MCTP2: variants seen among roughly 807,000 people sequenced by gnomAD.
MCTP2 encodes the protein multiple C2 and transmembrane domain-containing protein 2.
In MCTP2, 132 loss-of-function variants were observed where a neutral mutation model predicts 111.6. The ratio of observed to expected loss-of-function variants is 1.18; its 90% CI spans 1.03 to 1.37. The LOEUF (loss-of-function observed/expected upper bound fraction) is 1.37. Ranked by LOEUF, MCTP2 falls within the 40% of genes most tolerant of loss-of-function variation. MCTP2 has a pLI of 0.00. For synonymous variants in MCTP2, 395 were observed against 387.7 expected (o/e 1.02, Z -0.22); for missense variants, 1,183 against 1,067.9 (o/e 1.11, Z -1.50).
intron 19 of MCTP2, among the ~76,000 whole-genome samples, chr15:94,457,866 G>T (rs943086828): frequency 6.6e-6 from 1 of 152,154 alleles, no homozygotes; most frequent in African/African-American, 2.4e-5. Flanking sequence ...CCTCCACGGG[G>T]AAGTGAAGTG....
chr15:94,469,059 G>C (rs931603102), intron 20 of MCTP2, among the ~76,000 whole-genome samples: 1 of 152,172 alleles, frequency 6.6e-6, no homozygotes, highest in African/African-American at 2.4e-5. Flanking sequence ...GAATTATTAA[G>C]AGCATTACAT....
intron 4 of MCTP2, among the ~76,000 whole-genome samples, chr15:94,319,233 A>T (rs1596345409): frequency 1.3e-5 from 2 of 152,206 alleles, no homozygotes; most frequent in Admixed American, 6.5e-5. Context: ...GCAAGACGGC[A>T]TTTGAGTGTC....
intron 2 of MCTP2, among the ~76,000 whole-genome samples, chr15:94,310,153 C>A (rs1490824459): frequency 2.6e-5 from 4 of 152,180 alleles, no homozygotes; most frequent in African/African-American, 4.8e-5. Context: ...AAGAATGACG[C>A]AGATGACAAC....
chr15:94,473,807 A>G (rs890641984), intron 21 of MCTP2, among the ~76,000 whole-genome samples: 1 of 152,196 alleles, frequency 6.6e-6, no homozygotes, highest in Non-Finnish European at 1.5e-5. Flanking sequence ...CACCCCAACC[A>G]GTGTATTACA....
chr15:94,312,282 T>C (rs1469536241), intron 2 of MCTP2, among the ~76,000 whole-genome samples: 3 of 152,174 alleles, frequency 2.0e-5, no homozygotes, highest in Admixed American at 6.5e-5. Flanking sequence ...TCTATTGATA[T>C]TGGGAAATTC....
chr15:94,314,738 G>A (rs1480111002), intron 3 of MCTP2: 1 of 462,980 alleles, frequency 2.2e-6, no homozygotes, highest in East Asian at 6.8e-5. Flanking sequence ...ACAGTCAAAA[G>A]TTTGAAATGA....
rs138451644 is a variant in MCTP2 at position 94,302,145 on chromosome 15, G to T, written c.465+3415G>T. 1.8e-4 allele frequency among the ~76,000 whole-genome samples: 27 copies of T among 152,302 alleles called. No individual in the cohort carries two copies. In the East Asian group the frequency reaches 4.8e-3, roughly 27 times the overall value. ...TCTGTGGCCTGAGGGATCCCTAGGG[G>T]TTTGCCTCTTCTGTTGTGTACCAGC... On this transcript the variant is annotated intron_variant, in intron 2 of 22. Transcript: ENST00000357742.
chr15:94,399,006 T>C lies in MCTP2; in HGVS notation c.1834T>C (p.Leu612=). The C allele has an allele frequency of 6.4e-7, 1 of 1,567,318 alleles. No individual in the cohort carries two copies. Among genetic ancestry groups the C allele is most frequent in the Non-Finnish European group, 8.8e-7 (1 of 1,137,802 alleles). Residue 612 remains leucine (L), a synonymous_variant, in exon 15 of 23, where the codon TTA becomes CTA. Transcript: ENST00000357742. ...PNCYVLKNKD[L]EQAFKGVIYL... ...TTGTTATGTACTAAAGAATAAAGAT[T>C]TAGAACAAGCTTTTAAAGGAGTTAT...
intron 8 of MCTP2, among the ~76,000 whole-genome samples, chr15:94,349,981 A>T (rs1306456027): frequency 6.6e-6 from 1 of 152,202 alleles, no homozygotes; most frequent in Non-Finnish European, 1.5e-5. Flanking sequence ...CCCCTGGACC[A>T]GCCGCAGCTG....
intron 1 of MCTP2, among the ~76,000 whole-genome samples, chr15:94,243,149 A>T (rs1208368241): frequency 9.2e-6 from 1 of 108,408 alleles, no homozygotes; most frequent in Non-Finnish European, 2.0e-5. Context: ...ATATATTTAT[A>T]TACGTGTGTG....
intron 5 of MCTP2, 104 bp downstream of exon 5, chr15:94,339,536 A>T (rs1381700175): frequency 1.2e-6 from 1 of 822,294 alleles, no homozygotes; most frequent in Non-Finnish European, 1.8e-6. Flanking sequence ...TTCTTTTATT[A>T]GGACAGATTA....
At chr15:94,378,247 C>T (rs181834826) in intron 12 of MCTP2, among the ~76,000 whole-genome samples, 43 of 151,924 alleles carry the variant, frequency 2.8e-4, no homozygotes, top group African/African-American at 9.2e-4. Context: ...TAGGGCCAAG[C>T]GCAGTGACTC....
intron 14 of MCTP2, among the ~76,000 whole-genome samples, chr15:94,393,242 C>T (rs1166571204): frequency 6.6e-6 from 1 of 152,082 alleles, no homozygotes; most frequent in East Asian, 1.9e-4. Context: ...GAATCCAAGA[C>T]TGTAACACAA....
chr15:94,355,503 G>C (rs2078568689), intron 8 of MCTP2, among the ~76,000 whole-genome samples: 1 of 152,186 alleles, frequency 6.6e-6, no homozygotes, highest in Non-Finnish European at 1.5e-5. Context: ...TAAGAGTTAA[G>C]TTATTGAACC....
intron 17 of MCTP2, among the ~76,000 whole-genome samples, chr15:94,415,162 A>T (rs912184164): frequency 2.0e-5 from 3 of 152,114 alleles, no homozygotes; most frequent in African/African-American, 7.2e-5. Context: ...CAGAGTGTTA[A>T]TGCACTCTGC....
At chr15:94,471,759 GA>G (rs200725385) in intron 21 of MCTP2, among the ~76,000 whole-genome samples, 326 of 131,722 alleles carry the variant, frequency 2.5e-3, no homozygotes, top group South Asian at 0.018. Context: ...GGCATATTTT[GA>G]AAAAAAAAAA....
At chr15:94,297,262 C>T (rs1389342289) in intron 1 of MCTP2, among the ~76,000 whole-genome samples, 1 of 152,184 alleles carries the variant, frequency 6.6e-6, no homozygotes, top group Non-Finnish European at 1.5e-5. Flanking sequence ...TCCCAAATCA[C>T]CACTTTCCTC....
chr15:94,459,384 T>C (rs2085047046), intron 20 of MCTP2, among the ~76,000 whole-genome samples: 1 of 152,202 alleles, frequency 6.6e-6, no homozygotes, highest in African/African-American at 2.4e-5. Flanking sequence ...TTTATGTAAA[T>C]ACTAATGTTT....
chr15:94,245,620 G>GTA (rs1353361841), intron 1 of MCTP2, among the ~76,000 whole-genome samples: 1 of 141,680 alleles, frequency 7.1e-6, no homozygotes, highest in African/African-American at 2.6e-5. Flanking sequence ...ATATGTACAT[G>GTA]TATATATACA....
Sources: gnomAD v4.1 joint callset for allele counts (sites outside exome capture counted in the v4.1 genomes callset) on GRCh38, gnomAD v4.1.1 for gene constraint, MANE v1.5 for transcripts, NCBI Gene and HGNC (gene_info 2026-07-23, HGNC 2026-07-21) for gene names.